The following JAK1 variants were observed in gnomAD, a reference collection of about 807,000 sequenced individuals.
The protein encoded by JAK1 is Janus kinase 1.
Under a neutral mutation model 136.6 loss-of-function variants are expected in JAK1, and 16 were observed. That is an observed-to-expected ratio of 0.12 (90% CI 0.08 to 0.18). The LOEUF is 0.18. Among genes scored for constraint, JAK1 ranks in the 10% least tolerant of loss-of-function variants. The pLI is 1.00. For synonymous variants in JAK1, 492 were observed against 519.5 expected, an observed-to-expected ratio of 0.95 and a Z score of 0.72; for missense variants, 859 against 1,450.1, an observed-to-expected ratio of 0.59 and a Z score of 6.62.
chr1:65,061,476 T>C (rs1345615548), intron 1 of JAK1, among the ~76,000 whole-genome samples: 1 of 152,142 alleles, frequency 6.6e-6, no homozygotes, highest in Non-Finnish European at 1.5e-5. Flanking sequence ...GAAAATATTG[T>C]TTTAAACCTT....
intron 1 of JAK1, among the ~76,000 whole-genome samples, chr1:64,888,416 G>A (rs570045169): frequency 6.6e-6 from 1 of 152,246 alleles, no homozygotes; most frequent in South Asian, 2.1e-4. Context: ...TCTTGACCTC[G>A]TGATCCGCCC....
At chr1:64,860,419 CATTTATTTATTTATTT>C (rs3051564) in intron 8 of JAK1, among the ~76,000 whole-genome samples, 157 bp from the exon 9 acceptor site, 26 of 73,878 alleles carry the variant, frequency 3.5e-4, no homozygotes, top group Non-Finnish European at 4.3e-4. Context: ...CCCTTGCATG[CATTTATTTATTTATTT>C]ATTTATTTAT....
At chr1:64,835,342 T>C in intron 24 of JAK1, 54 bp downstream of exon 24, 1 of 940,598 alleles carries the variant, frequency 1.1e-6, no homozygotes, top group South Asian at 1.5e-5. Flanking sequence ...CAACTCAAGC[T>C]GCGAAAACAT....
intron 22 of JAK1, 33 bp downstream of exon 22, chr1:64,837,896 AAGC>A: frequency 6.4e-7 from 1 of 1,573,142 alleles, no homozygotes; most frequent in South Asian, 1.1e-5. Context: ...AAACTCTATG[AAGC>A]ATTGATAAAA....
chr1:64,911,646 G>T (rs1645287788), intron 1 of JAK1, among the ~76,000 whole-genome samples: 1 of 152,198 alleles, frequency 6.6e-6, no homozygotes, highest in Non-Finnish European at 1.5e-5. Flanking sequence ...TCTAAGTAAT[G>T]ACCTGGACCC....
intron 8 of JAK1, among the ~76,000 whole-genome samples, chr1:64,863,320 C>A (rs972786306): frequency 6.7e-6 from 1 of 148,500 alleles, no homozygotes; most frequent in African/African-American, 2.5e-5. Context: ...GACACGGGGC[C>A]TAATATCCAG....
rs1452493536 is a variant in JAK1 at position 64,847,602 on chromosome 1, CCTT to C, written c.1826_1828del (p.Glu609del). 3.1e-6 allele frequency: 5 copies of C among 1,613,958 alleles called. No homozygotes were observed. The African/African-American group carries it at 6.7e-5, about 22-fold the overall frequency. ...TTTTATCTTCTTCTCTTCAGAAGTT[CCTT>C]CGTCATCCTTGTAATCCATCAGGGT... On this transcript the variant is annotated inframe_deletion, in exon 13 of 25. Coordinates refer to ENST00000342505, the MANE Select transcript of JAK1 (RefSeq NM_002227.4).
intron 6 of JAK1, among the ~76,000 whole-genome samples, chr1:64,867,710 G>T (rs1448898238): frequency 6.6e-6 from 1 of 152,196 alleles, no homozygotes. Context: ...AGAAAGAAAG[G>T]CTGGGGGCGG....
At chr1:64,977,618 G>C (rs1646508000) in intron 2 of JAK1, among the ~76,000 whole-genome samples, 1 of 151,906 alleles carries the variant, frequency 6.6e-6, no homozygotes, top group Admixed American at 6.6e-5. Flanking sequence ...TTTTAATAGA[G>C]ACGGGGGTTT....
intron 1 of JAK1, among the ~76,000 whole-genome samples, chr1:64,922,219 A>C (rs1474810371): frequency 3.3e-5 from 5 of 151,040 alleles, no homozygotes; most frequent in Non-Finnish European, 7.4e-5. Context: ...AGAACAACTA[A>C]TCAGACCATC....
chr1:65,013,337 G>A (rs151255568), intron 2 of JAK1, among the ~76,000 whole-genome samples: 1,898 of 143,552 alleles, frequency 0.013, 41 homozygotes, highest in East Asian at 0.1. Flanking sequence ...CGGAGGTTGC[G>A]GTGAGCCAAG....
rs914595865 is a variant in JAK1, at chr1:64,834,462, C to T, written c.*100G>A. ...GAGTTCAGTGACTTTTTGGACAGAA[C>T]ACAAACTTCTTTCATTAGAAATTTT... On this transcript the variant is annotated 3_prime_UTR_variant, in exon 25 of 25. Coordinates refer to ENST00000342505, the MANE Select transcript of JAK1 (RefSeq NM_002227.4). 1 of 795,782 alleles carries T rather than the reference C, an allele frequency of 1.3e-6. No individual in the cohort carries two copies. Among genetic ancestry groups the T allele is most frequent in the South Asian group, 1.6e-5 (1 of 63,222 alleles). The allele number at this position is 795,782 out of a possible 1,614,324, so 49.3% of individuals were successfully genotyped here.
At chr1:64,874,780 T>C (rs1326995995) in intron 4 of JAK1, among the ~76,000 whole-genome samples, 1 of 152,172 alleles carries the variant, frequency 6.6e-6, no homozygotes, top group Non-Finnish European at 1.5e-5. Flanking sequence ...TGCAAAAAGC[T>C]GCTGCTACAC....
intron 2 of JAK1, among the ~76,000 whole-genome samples, chr1:65,024,729 C>G (rs144144054): frequency 0.014 from 2,158 of 150,396 alleles, 44 homozygotes; most frequent in African/African-American, 0.051. Flanking sequence ...GTAACCCCAG[C>G]AGTTTGGGAG....
chr1:64,996,517 C>T (rs1646705440), intron 2 of JAK1, among the ~76,000 whole-genome samples: 1 of 152,174 alleles, frequency 6.6e-6, no homozygotes, highest in South Asian at 2.1e-4. Context: ...TTGGACTTTT[C>T]CTTCCACATT....
intron 1 of JAK1, among the ~76,000 whole-genome samples, chr1:64,931,432 G>A (rs563169300): frequency 1.2e-4 from 18 of 152,074 alleles, no homozygotes; most frequent in African/African-American, 4.1e-4. Flanking sequence ...CACGCCGGGT[G>A]TCACTCATCC....
At chr1:64,948,922 G>A (rs1646033342) in intron 1 of JAK1, among the ~76,000 whole-genome samples, 1 of 152,110 alleles carries the variant, frequency 6.6e-6, no homozygotes, top group South Asian at 2.1e-4. Context: ...CAGTCTCTAA[G>A]GCTGTATATT....
At chr1:64,864,316 C>T (rs1270520251) in intron 8 of JAK1, among the ~76,000 whole-genome samples, 1 of 152,242 alleles carries the variant, frequency 6.6e-6, no homozygotes, top group East Asian at 1.9e-4. Flanking sequence ...TGAGATTAAA[C>T]ACCCTTTCCT....
chr1:65,063,281 T>C (rs1279242332), intron 1 of JAK1, among the ~76,000 whole-genome samples: 3 of 152,220 alleles, frequency 2.0e-5, no homozygotes, highest in Non-Finnish European at 4.4e-5. Context: ...CCTTTTGCTA[T>C]GTTCAGGATC....
Sources: allele counts gnomAD v4.1 joint callset (sites outside exome capture counted in the v4.1 genomes callset), GRCh38; gene constraint gnomAD v4.1.1; transcripts MANE v1.5; gene names NCBI Gene and HGNC (gene_info 2026-07-23, HGNC 2026-07-21).